The following MSR1 variants were observed in gnomAD, a reference collection of about 807,000 sequenced individuals.
MSR1 encodes macrophage scavenger receptor types I and II.
MSR1 carries 53 observed loss-of-function variants against 47.2 expected under a neutral mutation model. The ratio of observed to expected loss-of-function variants is 1.12; its 90% CI spans 0.90 to 1.41. The LOEUF (loss-of-function observed/expected upper bound fraction) is 1.41. Ranked by LOEUF, MSR1 falls within the 40% of genes most tolerant of loss-of-function variation. MSR1 has a pLI of 0.00. For missense variants in MSR1, 786 were observed against 546.9 expected (o/e 1.44, Z -4.36); for synonymous variants, 239 against 185.6 (o/e 1.29, Z -2.34).
Position 16,120,410 on chromosome 8 carries a change from T to A in MSR1, c.1222+8A>T. 1.2e-6 allele frequency: 2 copies of A among 1,613,382 alleles called. No homozygotes were observed. The highest frequency in any genetic ancestry group is 1.7e-6 in the Non-Finnish European group (2 of 1,179,592). The stretch of plus-strand genomic sequence containing the variant: ...ACAACAAACCTCACAAGATTTTCTT[T>A]AAATTACCTTGTCCAAAGTGAGCTG... On this transcript the variant is annotated splice_region_variant and intron_variant, in intron 9 of 9. Transcript: ENST00000262101.
chr8:16,166,224 G>A (rs958265000), intron 4 of MSR1, among the ~76,000 whole-genome samples: 26 of 129,656 alleles, frequency 2.0e-4, no homozygotes, highest in African/African-American at 7.4e-4. Context: ...AGGCTGGAGT[G>A]CAATGGCATG....
intron 9 of MSR1, among the ~76,000 whole-genome samples, chr8:16,110,857 A>G (rs995130602): frequency 6.6e-6 from 1 of 152,168 alleles, no homozygotes; most frequent in African/African-American, 2.4e-5. Context: ...CAAGAAAATG[A>G]CAAAGCAAAG....
intron 5 of MSR1, among the ~76,000 whole-genome samples, chr8:16,156,293 A>C (rs1262333088): frequency 6.6e-6 from 1 of 152,008 alleles, no homozygotes; most frequent in African/African-American, 2.4e-5. Flanking sequence ...GTTAGAATGC[A>C]CTTGTTTACA....
intron 5 of MSR1, among the ~76,000 whole-genome samples, chr8:16,161,907 G>T (rs1017771767): frequency 1.3e-5 from 2 of 151,848 alleles, no homozygotes; most frequent in Non-Finnish European, 2.9e-5. Context: ...GATATAAAAT[G>T]AGACAAAATA....
At position 16,116,861 on chromosome 8, in the gene MSR1, A is replaced by T. The variant is rs150489945; in HGVS notation, c.1222+3557T>A. Among the ~76,000 whole-genome samples, 92 of 152,266 alleles carry T rather than the reference A, an allele frequency of 6.0e-4. 1 individual carries two copies. Among genetic ancestry groups the T allele is most frequent in the African/African-American group, 2.1e-3 (89 of 41,552 alleles). ...CCATGGCAAAGCTTCATGCTCAGAGAAGAAATAAAGCTAGAGATGACGTCT... is the reference window on the plus strand; with the variant it reads ...CCATGGCAAAGCTTCATGCTCAGAGTAGAAATAAAGCTAGAGATGACGTCT... On this transcript the variant is annotated intron_variant, in intron 9 of 9. Coordinates refer to ENST00000262101, the MANE Select transcript of MSR1 (RefSeq NM_138715.3).
At chr8:16,181,168 T>A (rs1801819689) in intron 1 of MSR1, among the ~76,000 whole-genome samples, 1 of 152,176 alleles carries the variant, frequency 6.6e-6, no homozygotes, top group South Asian at 2.1e-4. Context: ...AAATTCACTT[T>A]AAAATATAGT....
At chr8:16,147,317 C>T (rs1465599791) in intron 7 of MSR1, among the ~76,000 whole-genome samples, 1 of 152,084 alleles carries the variant, frequency 6.6e-6, no homozygotes, top group African/African-American at 2.4e-5. Context: ...CTTCATTTCC[C>T]TGTTTCTAGC....
intron 2 of MSR1, among the ~76,000 whole-genome samples, chr8:16,177,613 C>T (rs33945702): frequency 0.013 from 2,026 of 152,112 alleles, 46 homozygotes; most frequent in African/African-American, 0.046. Context: ...TATTAGCTCA[C>T]GGTGCTAGGA....
rs189408496 is a variant in MSR1 at position 16,169,666 on chromosome 8, T to C, written c.218-796A>G. Among the ~76,000 whole-genome samples the C allele has an allele frequency of 1.9e-3, 293 of 152,214 alleles. 1 individual carries two copies. Among genetic ancestry groups the C allele is most frequent in the Non-Finnish European group, 3.4e-3 (233 of 68,000 alleles). ...TATTATTATCTTAAAATATGACATT[T>C]TTAAACAATCTGGAAACAACTTTTT... On this transcript the variant is annotated intron_variant, in intron 3 of 9. Coordinates refer to ENST00000262101, the MANE Select transcript of MSR1 (RefSeq NM_138715.3).
Position 16,109,747 on chromosome 8 carries a change from G to C in MSR1, c.*338C>G. 1 of 278,300 alleles carries C rather than the reference G, an allele frequency of 3.6e-6. No individual in the cohort carries two copies. The highest frequency in any genetic ancestry group is 6.9e-6 in the Non-Finnish European group (1 of 145,274). The allele number at this position is 278,300 out of a possible 1,614,324, so 17.2% of individuals were successfully genotyped here. A position where few individuals can be genotyped will look rare whatever the true frequency, so the allele number is the denominator to read the frequency against. ...GAAGAGCAAAAAATTGTAATCTCCT[G>C]GTGAACATATTATGAATTGGAGCCA... On this transcript the variant is annotated 3_prime_UTR_variant, in exon 10 of 10. Coordinates refer to ENST00000262101, the MANE Select transcript of MSR1 (RefSeq NM_138715.3).
chr8:16,154,393 T>C (rs952726438), intron 6 of MSR1, among the ~76,000 whole-genome samples: 1 of 152,012 alleles, frequency 6.6e-6, no homozygotes, highest in African/African-American at 2.4e-5. Flanking sequence ...GTTCATGTTC[T>C]CTCTTCTGTG....
intron 8 of MSR1, among the ~76,000 whole-genome samples, chr8:16,127,050 G>T (rs1800145178): frequency 6.6e-6 from 1 of 151,968 alleles, no homozygotes; most frequent in South Asian, 2.1e-4. Flanking sequence ...CAAATTTCTG[G>T]CCTAATGATG....
intron 8 of MSR1, among the ~76,000 whole-genome samples, chr8:16,129,705 G>A (rs1213528115): frequency 6.6e-6 from 1 of 152,058 alleles, no homozygotes; most frequent in Non-Finnish European, 1.5e-5. Flanking sequence ...CCAAGATCAT[G>A]CCACTGCACT....
chr8:16,115,483 C>T (rs1224829336), intron 9 of MSR1, among the ~76,000 whole-genome samples: 1 of 152,146 alleles, frequency 6.6e-6, no homozygotes, highest in Non-Finnish European at 1.5e-5. Context: ...AATCCCCAAT[C>T]AGTGAATAAT....
intron 3 of MSR1, among the ~76,000 whole-genome samples, chr8:16,173,580 G>A (rs75033003): frequency 6.6e-6 from 1 of 152,112 alleles, no homozygotes; most frequent in Non-Finnish European, 1.5e-5. Context: ...TTGTTTTAGT[G>A]TATTTTTAAT....
chr8:16,134,577 C>A (rs1193267511), intron 8 of MSR1, among the ~76,000 whole-genome samples: 2 of 152,076 alleles, frequency 1.3e-5, no homozygotes, highest in African/African-American at 4.8e-5. Context: ...CCCTGAGACA[C>A]AGCAATATTG....
At chr8:16,121,799 A>C (rs2117065091) in intron 8 of MSR1, among the ~76,000 whole-genome samples, 1 of 151,978 alleles carries the variant, frequency 6.6e-6, no homozygotes, top group Non-Finnish European at 1.5e-5. Flanking sequence ...ATGGAGTTTT[A>C]AGGAATGGGT....
intron 8 of MSR1, chr8:16,140,688 C>G (rs930881260): frequency 7.6e-7 from 1 of 1,313,588 alleles, no homozygotes; most frequent in Non-Finnish European, 9.7e-7. Flanking sequence ...CAATGGGTGG[C>G]AGAGAACTGA....
At chr8:16,174,838 G>C (rs1410258182) in intron 3 of MSR1, among the ~76,000 whole-genome samples, 1 of 151,742 alleles carries the variant, frequency 6.6e-6, no homozygotes, top group Non-Finnish European at 1.5e-5. Flanking sequence ...CTTCACATTG[G>C]CAAAATGAAT....
Sources: allele counts gnomAD v4.1 joint callset (sites outside exome capture counted in the v4.1 genomes callset), GRCh38; gene constraint gnomAD v4.1.1; transcripts MANE v1.5; gene names NCBI Gene and HGNC (gene_info 2026-07-23, HGNC 2026-07-21).